Variants in PRR22 observed in about 807,000 individuals in gnomAD.
PRR22 encodes proline rich 22.
Under a neutral mutation model 7.2 loss-of-function variants are expected in PRR22, and 5 were observed. The observed-to-expected ratio is 0.69, with a 90% CI of 0.36 to 1.45. PRR22 has a LOEUF of 1.45. Among genes scored for constraint, PRR22 ranks in the 40% most tolerant of loss-of-function variants. The pLI, the probability that PRR22 is intolerant of heterozygous loss-of-function variation, is 0.03. For missense variants in PRR22, 619 were observed against 568.8 expected (o/e 1.09, Z -0.90); for synonymous variants, 319 against 269.3 (o/e 1.18, Z -1.81).
At position 5,784,290 on chromosome 19, in the gene PRR22, C is replaced by A. The variant is rs755671794; in HGVS notation, c.193+87G>T. On this transcript the variant is annotated intron_variant, in intron 2 of 2. Coordinates refer to ENST00000419421, the MANE Select transcript of PRR22 (RefSeq NM_001134316.2). ...GGAGCAGAGGCCATGCCTTCAGGCTCCCACTTAGGGACGGGGCAGGGGCAA... is the reference window on the plus strand; with the variant it reads ...GGAGCAGAGGCCATGCCTTCAGGCTACCACTTAGGGACGGGGCAGGGGCAA... 6.3e-6 allele frequency: 9 copies of A among 1,426,626 alleles called. No homozygotes were observed. In the Admixed American group the frequency reaches 1.6e-4, roughly 25 times the overall value. 88.4% of individuals were successfully genotyped at this position (1,426,626 alleles called of 1,614,324 possible). A position where few individuals can be genotyped will look rare whatever the true frequency, so the allele number is the denominator to read the frequency against.
rs867400450 is a variant in PRR22 at position 5,784,522 on chromosome 19, C to T, written c.130+9G>A. The T allele has an allele frequency of 8.4e-6, 13 of 1,550,146 alleles. No individual in the cohort carries two copies. Among genetic ancestry groups the T allele is most frequent in the Non-Finnish European group, 1.1e-5 (13 of 1,146,796 alleles). ...TCTCCAGCAGGTGCTCCCACCCACC[C>T]GATCGTACCCATAGCGGGAGGAGGC... On this transcript the variant is annotated intron_variant, in intron 1 of 2. Coordinates refer to ENST00000419421, the MANE Select transcript of PRR22 (RefSeq NM_001134316.2).
rs201603789 is a variant in PRR22, at chr19:5,783,268, G to A, written c.979C>T (p.Arg327Cys). 1.1e-5 allele frequency: 17 copies of A among 1,612,828 alleles called. No homozygotes were observed. The highest frequency in any genetic ancestry group is 6.7e-5 in the East Asian group (3 of 44,880). Reference protein sequence around the residue: ...SSGGNSADDIRSLCLPEELLS... With the variant: ...SSGGNSADDICSLCLPEELLS... ...AGCTCCTCGGGCAGGCACAGCGAGC[G>A]GATGTCATCGGCTGAGTTCCCACCA... The change falls in exon 3 of 3, where the codon CGC (arginine) becomes TGC (cysteine). Residue 327 changes from arginine (R) to cysteine (C), a missense_variant. Arg to Cys is a radical substitution (Grantham distance 180). Transcript: ENST00000419421.
In PRR22 at chr19:5,784,669, G is replaced by A. The variant is rs559519470; in HGVS notation, c.-9C>T. Reference sequence around the variant, plus strand: ...GGTTTGGGGTGCTGCATGGGGCAGCGGGGGGCCCGGTCCAGACAGGCCAGG... The same window carrying A: ...GGTTTGGGGTGCTGCATGGGGCAGCAGGGGGCCCGGTCCAGACAGGCCAGG... On this transcript the variant is annotated 5_prime_UTR_variant, in exon 1 of 3. Transcript: ENST00000419421. 171 of 1,533,078 alleles carry A rather than the reference G, an allele frequency of 1.1e-4. No homozygotes were observed. In the East Asian group the frequency reaches 1.4e-3, roughly 12 times the overall value. The allele number at this position is 1,533,078 out of a possible 1,614,324, so 95.0% of individuals were successfully genotyped here.
In PRR22 at chr19:5,783,441, G is replaced by T; in HGVS notation, c.806C>A (p.Ala269Asp). 6.2e-7 allele frequency: 1 copy of T among 1,611,330 alleles called. No individual in the cohort carries two copies. The highest frequency in any genetic ancestry group is 8.5e-7 in the Non-Finnish European group (1 of 1,179,312). Residue 269 changes from alanine to aspartate, a missense_variant, in exon 3 of 3, where the codon GCC becomes GAC. Transcript: ENST00000419421. ...AGCTCTGGCCGTCTTGGGGGCCTTG[G>T]CCTTGCCTGCTCCCAGCAGGGCCCC... Reference protein sequence around the residue: ...KEGALLGAGKAKAPKTARALA... With the variant: ...KEGALLGAGKDKAPKTARALA...
intron 2 of PRR22, 78 bp downstream of exon 2, chr19:5,784,299 G>T: frequency 6.7e-7 from 1 of 1,484,952 alleles, no homozygotes; most frequent in South Asian, 1.2e-5. Flanking sequence ...TCCCACTTAG[G>T]GACGGGGCAG....
rs1413256770 is a variant in PRR22, at chr19:5,783,924, G to A, written c.323C>T (p.Pro108Leu). The change falls in exon 3 of 3, where the codon CCC (proline) becomes CTC (leucine). Residue 108 changes from proline (P) to leucine (L), a missense_variant. Transcript: ENST00000419421. Reference sequence around the variant, plus strand: ...CAGGAGGTAGCTGCCTGGGGCGGAGGGGACCCCCGCTGGCCCCCCGCTGCT... The same window carrying A: ...CAGGAGGTAGCTGCCTGGGGCGGAGAGGACCCCCGCTGGCCCCCCGCTGCT... Reference protein sequence around the residue: ...AASSGGPAGVPSAPGSYLLEP... With the variant: ...AASSGGPAGVLSAPGSYLLEP... 6.3e-7 allele frequency: 1 copy of A among 1,578,710 alleles called. No homozygotes were observed. The highest frequency in any genetic ancestry group is 8.6e-7 in the Non-Finnish European group (1 of 1,163,518).
chr19:5,783,661 C>T lies in PRR22; in HGVS notation c.586G>A (p.Val196Ile), dbSNP rs1201431980. The T allele has an allele frequency of 2.6e-6, 4 of 1,524,450 alleles. No homozygotes were observed. Among genetic ancestry groups the T allele is most frequent in the Middle Eastern group, 3.6e-4 (2 of 5,596 alleles). 94.4% of individuals were successfully genotyped at this position (1,524,450 alleles called of 1,614,324 possible). Residue 196 changes from valine to isoleucine, a missense_variant, in exon 3 of 3, where the codon GTA becomes ATA. Physicochemically the swap from Val to Ile is conservative, Grantham distance 29. Transcript: ENST00000419421. ...GGCTCTGCAGGCAGCGTGATGAGTA[C>T]AGGGGGCGGCTTGTTCTCCTTGGGG... ...PPPKENKPPP[V>I]LITLPAEPTL...
Position 5,783,051 on chromosome 19 carries a change from GCCTT to G in PRR22, c.1192_1195del (p.Lys398ProfsTer?). ...GCTGGCTGGGCCTGCCGGCTGCCTG[GCCTT>G]CCTTCCCGGCTTTCCCTTCTTGGCC... On this transcript the variant is annotated frameshift_variant, in exon 3 of 3. Transcript: ENST00000419421. LOFTEE classifies it low-confidence loss of function (END_TRUNC). The G allele has an allele frequency of 6.3e-7, 1 of 1,577,850 alleles. No individual in the cohort carries two copies. Among genetic ancestry groups the G allele is most frequent in the Non-Finnish European group, 8.6e-7 (1 of 1,162,112 alleles).
Position 5,783,635 on chromosome 19 carries a change from G to T in PRR22, c.612C>A (p.Pro204=). 6.2e-7 allele frequency: 1 copy of T among 1,602,408 alleles called. No homozygotes were observed. Among genetic ancestry groups the T allele is most frequent in the Non-Finnish European group, 8.5e-7 (1 of 1,174,900 alleles). The change falls in exon 3 of 3, where the codon CCC becomes CCA. Residue 204 remains proline (P), a synonymous_variant. Transcript: ENST00000419421. ...GGCTGTAGGCGTCTGGGGGCAGTGT[G>T]GGCTCTGCAGGCAGCGTGATGAGTA... The part of the protein sequence containing the change: ...PPVLITLPAE[P]TLPPDAYSHL...
rs2056815352 is a variant in PRR22, at chr19:5,783,860, T to C, written c.387A>G (p.Pro129=). 6.4e-7 allele frequency: 1 copy of C among 1,565,746 alleles called. No individual in the cohort carries two copies. Among genetic ancestry groups the C allele is most frequent in the South Asian group, 1.2e-5 (1 of 86,370 alleles). The change falls in exon 3 of 3, where the codon CCA becomes CCG. Residue 129 remains proline, a synonymous_variant. Transcript: ENST00000419421. ...QPYLKAPGLP[P]YPHYQQAPGG... ...CGGGTGCCTGCTGGTAGTGGGGGTA[T>C]GGAGGCAGCCCCGGGGCCTTGAGGT...
intron 2 of PRR22, 52 bp downstream of exon 2, chr19:5,784,325 G>A (rs1186081136): frequency 9.5e-6 from 15 of 1,579,692 alleles, no homozygotes; most frequent in Non-Finnish European, 1.2e-5. Context: ...AGATGGGCCT[G>A]CACACTCAAA....
chr19:5,784,465 T>C (rs776426290), intron 1 of PRR22, 26 bp from the exon 2 acceptor site: 97 of 1,551,304 alleles, frequency 6.3e-5, no homozygotes, highest in Non-Finnish European at 8.2e-5. Context: ...CCCAGGTGGG[T>C]AGGGCCCTTA....
Position 5,783,784 on chromosome 19 carries a change from C to G in PRR22, c.463G>C (p.Glu155Gln). 2 of 1,490,828 alleles carry G rather than the reference C, an allele frequency of 1.3e-6. No homozygotes were observed. The highest frequency in any genetic ancestry group is 1.8e-6 in the Non-Finnish European group (2 of 1,119,200). 92.3% of individuals were successfully genotyped at this position (1,490,828 alleles called of 1,614,324 possible). Residue 155 changes from glutamate (E) to glutamine (Q), a missense_variant, in exon 3 of 3, where the codon GAG (glutamate) becomes CAG (glutamine). By Grantham distance (29) the Glu-to-Gln change is conservative. Coordinates refer to ENST00000419421, the MANE Select transcript of PRR22 (RefSeq NM_001134316.2). The stretch of plus-strand genomic sequence containing the variant: ...GCGTCCCCCACAAAACCCAGAGCCT[C>G]TGGCCCGGGGCCCTCAGGCGGGAAG... ...PYFPPEGPGP[E>Q]ALGFVGDAGP...
Position 5,783,516 on chromosome 19 carries a change from G to T in PRR22, c.731C>A (p.Pro244His), listed in dbSNP as rs777112272. 1 of 1,603,560 alleles carries T rather than the reference G, an allele frequency of 6.2e-7. No individual in the cohort carries two copies. The highest frequency in any genetic ancestry group is 8.5e-7 in the Non-Finnish European group (1 of 1,175,974). Residue 244 changes from proline (P) to histidine (H), a missense_variant, in exon 3 of 3, where the codon CCC becomes CAC. Transcript: ENST00000419421. ...LQGSGARPGV[P>H]LYPPGLSELK... is the part of the protein sequence containing the mutation. ...CTCGCTGAGGCCCGGTGGGTACAGG[G>T]GCACCCCAGGTCGGGCCCCACTGCC...
rs765398189 is a variant in PRR22, at chr19:5,783,365, G to C, written c.882C>G (p.Asp294Glu). The C allele has an allele frequency of 6.2e-6, 10 of 1,612,682 alleles. No individual in the cohort carries two copies. Among genetic ancestry groups the C allele is most frequent in the Non-Finnish European group, 8.5e-6 (10 of 1,179,952 alleles). The change falls in exon 3 of 3, where the codon GAC (aspartate) becomes GAG (glutamate). Residue 294 changes from aspartate (D) to glutamate (E), a missense_variant. By Grantham distance (45) the Asp-to-Glu change is conservative (BLOSUM62 2). Coordinates refer to ENST00000419421, the MANE Select transcript of PRR22 (RefSeq NM_001134316.2). ...CAGGCTCAGAGGCGCCTGGCAGGCA[G>C]TCGAAGAGCTTCATGGCGTCCTCCA... ...VLLEDAMKLF[D>E]CLPGASEPEG... is the part of the protein sequence containing the mutation.
chr19:5,783,294 C>T lies in PRR22; in HGVS notation c.953G>A (p.Ser318Asn). The change falls in exon 3 of 3, where the codon AGT (serine) becomes AAT (asparagine). Residue 318 changes from serine to asparagine, a missense_variant. Ser to Asn is a conservative substitution (Grantham distance 46). Transcript: ENST00000419421. ...EVPGPALPDSSGGNSADDIRS... is the reference protein window; with the variant it reads ...EVPGPALPDSNGGNSADDIRS... ...GATGTCATCGGCTGAGTTCCCACCA[C>T]TGCTGTCAGGCAGGGCCGGCCCAGG... The T allele has an allele frequency of 1.2e-6, 2 of 1,612,866 alleles. No homozygotes were observed. The highest frequency in any genetic ancestry group is 1.7e-6 in the Non-Finnish European group (2 of 1,179,986).
Position 5,784,525 on chromosome 19 carries a change from T to C in PRR22, c.130+6A>G. ...CCAGCAGGTGCTCCCACCCACCCGATCGTACCCATAGCGGGAGGAGGCTCG... is the reference window on the plus strand; with the variant it reads ...CCAGCAGGTGCTCCCACCCACCCGACCGTACCCATAGCGGGAGGAGGCTCG... On this transcript the variant is annotated splice_donor_region_variant and intron_variant, in intron 1 of 2. Transcript: ENST00000419421. 1.3e-6 allele frequency: 2 copies of C among 1,550,262 alleles called. No homozygotes were observed. The highest frequency in any genetic ancestry group is 4.9e-5 in the East Asian group (2 of 40,916).
Position 5,784,435 on chromosome 19 carries a change from G to A in PRR22, c.135C>T (p.Ser45=). The change falls in exon 2 of 3, where the codon TCC becomes TCT. Residue 45 remains serine (S), a synonymous_variant. Coordinates refer to ENST00000419421, the MANE Select transcript of PRR22 (RefSeq NM_001134316.2). The stretch of plus-strand genomic sequence containing the variant: ...GGTCTGGGGGATGATACAGGTTCAA[G>A]GAGCCTGTGGACAAAGGTGCCCAGG... ...TCAEPPPAMG[S]LNLYHPPDPE... 6.4e-7 allele frequency: 1 copy of A among 1,559,284 alleles called. No individual in the cohort carries two copies. Among genetic ancestry groups the A allele is most frequent in the Non-Finnish European group, 8.7e-7 (1 of 1,151,344 alleles).
Position 5,784,724 on chromosome 19 carries a change from A to G in PRR22, c.-64T>C. The G allele has an allele frequency of 6.6e-7, 1 of 1,505,926 alleles. No individual in the cohort carries two copies. The highest frequency in any genetic ancestry group is 2.5e-5 in the East Asian group (1 of 40,630). 93.3% of individuals were successfully genotyped at this position (1,505,926 alleles called of 1,614,324 possible). A position where few individuals can be genotyped will look rare whatever the true frequency, so the allele number is the denominator to read the frequency against. On this transcript the variant is annotated 5_prime_UTR_variant, in exon 1 of 3. Coordinates refer to ENST00000419421, the MANE Select transcript of PRR22 (RefSeq NM_001134316.2). Reference sequence around the variant, plus strand: ...CGGCAGTGGGAGTGCAAGTGGCCCAACCGGAGAACAGGCTGAGAACCTGGT... The same window carrying G: ...CGGCAGTGGGAGTGCAAGTGGCCCAGCCGGAGAACAGGCTGAGAACCTGGT...
Sources: allele counts gnomAD v4.1 joint callset, GRCh38; gene constraint gnomAD v4.1.1; transcripts MANE v1.5; gene names NCBI Gene and HGNC (gene_info 2026-07-23, HGNC 2026-07-21).